The following CLEC18A variants were observed in gnomAD, a reference collection of about 807,000 sequenced individuals.
CLEC18A encodes the protein mannose receptor-like 1.
In CLEC18A, 5 loss-of-function variants were observed where a neutral mutation model predicts 24.0. The ratio of observed to expected loss-of-function variants is 0.21; its 90% CI spans 0.11 to 0.44. CLEC18A has a LOEUF of 0.44. Ranked by LOEUF, CLEC18A falls within the 20% of genes least tolerant of loss-of-function variation. CLEC18A has a pLI of 0.99. For missense variants in CLEC18A, 83 were observed against 233.4 expected (o/e 0.36, Z 4.20); for synonymous variants, 29 against 100.1 (o/e 0.29, Z 4.24).
At chr16:69,954,620 A>G (rs1567459687) in intron 3 of CLEC18A, 47 bp downstream of exon 3, 1 of 1,604,106 alleles carries the variant, frequency 6.2e-7, no homozygotes, top group Non-Finnish European at 8.5e-7. Flanking sequence ...CCAGATACAG[A>G]CTTCCACTGG....
At position 69,954,399 on chromosome 16, in the gene CLEC18A, G is replaced by C; in HGVS notation, c.282G>C (p.Pro94=). Residue 94 remains proline (P), a synonymous_variant, in exon 3 of 12, where the codon CCG becomes CCC. Transcript: ENST00000288040. ...CAGCCCTCTGTGGAACCCCAACCCC[G>C]AGCCTGGCGTCCGGCCTGTGGCGCA... is the stretch of plus-strand genomic sequence containing the variant. The part of the protein sequence containing the change: ...ARAALCGTPT[P]SLASGLWRTL... 6.2e-7 allele frequency: 1 copy of C among 1,610,104 alleles called. No individual in the cohort carries two copies. Among genetic ancestry groups the C allele is most frequent in the Non-Finnish European group, 8.5e-7 (1 of 1,178,646 alleles).
In CLEC18A at chr16:69,955,282, C is replaced by T. The variant is rs563649198; in HGVS notation, c.456+709C>T. 7.0e-4 allele frequency among the ~76,000 whole-genome samples: 106 copies of T among 151,840 alleles called. 1 individual carries two copies. The highest frequency in any genetic ancestry group is 4.9e-4 in the Non-Finnish European group (33 of 67,956). ...CCTCCCAAAGTGCTGGGATTACAGG[C>T]GTGAGCCACCATGCCTGGCCTAAGC... is the stretch of plus-strand genomic sequence containing the variant. On this transcript the variant is annotated intron_variant, in intron 3 of 11. Transcript: ENST00000288040.
At chr16:69,965,565 G>T (rs1396312924), downstream of CLEC18A, among the ~76,000 whole-genome samples, 1 of 150,140 alleles carries the variant, frequency 6.7e-6, no homozygotes, top group Admixed American at 6.6e-5. Flanking sequence ...GCCTGGTTGG[G>T]GACCTGACGC....
upstream of CLEC18A, among the ~76,000 whole-genome samples, chr16:69,946,458 C>T (rs1291556246): frequency 3.0e-5 from 4 of 131,254 alleles, no homozygotes; most frequent in East Asian, 4.8e-4. Context: ...AGTGCAGTGG[C>T]GCAATCTCGG....
chr16:69,956,119 C>A (rs1277980662), intron 3 of CLEC18A, among the ~76,000 whole-genome samples: 4 of 150,120 alleles, frequency 2.7e-5, no homozygotes. Context: ...TGATGGTGTG[C>A]GCCTGTAGTT....
intron 2 of CLEC18A, chr16:69,953,248 G>A (rs1224698109): frequency 2.6e-5 from 4 of 152,076 alleles, no homozygotes; most frequent in African/African-American, 9.7e-5. Flanking sequence ...AAGGTCTTGT[G>A]GGGGTGGAGG....
At chr16:69,965,390 C>T (rs1233171099), downstream of CLEC18A, among the ~76,000 whole-genome samples, 1 of 152,010 alleles carries the variant, frequency 6.6e-6, no homozygotes, top group African/African-American at 2.4e-5. Context: ...CTCCCGGACC[C>T]GGGACCCGCC....
At chr16:69,965,208 G>T (rs1250668187), downstream of CLEC18A, among the ~76,000 whole-genome samples, 2 of 151,882 alleles carry the variant, frequency 1.3e-5, no homozygotes, top group African/African-American at 4.9e-5. Flanking sequence ...TGATCACACA[G>T]ATGCCCCCAG....
At chr16:69,965,192 G>C (rs1209907723), downstream of CLEC18A, among the ~76,000 whole-genome samples, 2 of 151,840 alleles carry the variant, frequency 1.3e-5, no homozygotes, top group South Asian at 4.2e-4. Context: ...GCGGACCTAC[G>C]CGGGGTGATC....
the CLEC18A span, among the ~76,000 whole-genome samples, chr16:69,944,952 A>G: frequency 7.2e-6 from 1 of 139,558 alleles, no homozygotes; most frequent in Non-Finnish European, 1.5e-5. Context: ...ACCAGCCTAG[A>G]CAACATGGCA....
At chr16:69,952,989 CA>C (rs1334813257) in intron 2 of CLEC18A, 2 of 148,262 alleles carry the variant, frequency 1.3e-5, no homozygotes, top group African/African-American at 5.1e-5. Flanking sequence ...CCTGGGCAAC[CA>C]GGGGTGCTCC....
chr16:69,950,164 C>T (rs1418992946), upstream of CLEC18A, among the ~76,000 whole-genome samples: 1 of 124,208 alleles, frequency 8.1e-6, no homozygotes, highest in Non-Finnish European at 1.9e-5. Flanking sequence ...TCCCTGGCAT[C>T]CATGACGATA....
At chr16:69,955,796 C>T (rs1478808753) in intron 3 of CLEC18A, among the ~76,000 whole-genome samples, 2 of 148,340 alleles carry the variant, frequency 1.3e-5, no homozygotes, top group Non-Finnish European at 3.0e-5. Flanking sequence ...ATATCACTGC[C>T]AAGCAAGTTT....
rs776541018 is a variant in CLEC18A, at chr16:69,954,351, G to A, written c.234G>A (p.Leu78=). The change falls in exon 3 of 12, where the codon CTG becomes CTA. Residue 78 remains leucine, a synonymous_variant. Transcript: ENST00000288040. ...GCCCCCAGGACTGGAGTGACAGCCTGGCCCAGCTGGCTCAAGCCAGGGCAG... is the reference window on the plus strand; with the variant it reads ...GCCCCCAGGACTGGAGTGACAGCCTAGCCCAGCTGGCTCAAGCCAGGGCAG... ...DMRRLDWSDS[L]AQLAQARAAL... is the part of the protein sequence containing the mutation. The A allele has an allele frequency of 3.1e-6, 5 of 1,588,954 alleles. No individual in the cohort carries two copies. Among genetic ancestry groups the A allele is most frequent in the Middle Eastern group, 2.1e-4 (1 of 4,690 alleles).
At chr16:69,944,013 G>A in the CLEC18A span, among the ~76,000 whole-genome samples, 15 of 133,908 alleles carry the variant, frequency 1.1e-4, no homozygotes, top group African/African-American at 3.4e-4. Flanking sequence ...TAAGTCATCC[G>A]GGCCGGGTGT....
chr16:69,953,817 A>C, intron 2 of CLEC18A: 1 of 175,824 alleles, frequency 5.7e-6, no homozygotes, highest in Admixed American at 5.6e-5. Flanking sequence ...TGTCTCAAAA[A>C]AAAAAAAAAA....
chr16:69,948,558 G>A (rs968755384), upstream of CLEC18A, among the ~76,000 whole-genome samples: 1 of 151,932 alleles, frequency 6.6e-6, no homozygotes, highest in African/African-American at 2.4e-5. Flanking sequence ...AGAGACACAG[G>A]TGATAAAGAA....
intron 3 of CLEC18A, among the ~76,000 whole-genome samples, chr16:69,955,842 G>A (rs1400645508): frequency 1.3e-5 from 2 of 151,724 alleles, no homozygotes; most frequent in Non-Finnish European, 1.5e-5. Flanking sequence ...TATTTGTTGA[G>A]GGTCTTCTAC....
downstream of CLEC18A, among the ~76,000 whole-genome samples, chr16:69,964,861 G>A (rs1198106412): frequency 1.3e-5 from 2 of 151,994 alleles, no homozygotes; most frequent in Non-Finnish European, 2.9e-5. Flanking sequence ...GAGTGCAGGG[G>A]TGCAATCGGG....
Sources: allele counts gnomAD v4.1 joint callset (sites outside exome capture counted in the v4.1 genomes callset), GRCh38; gene constraint gnomAD v4.1.1; transcripts MANE v1.5; gene names NCBI Gene and HGNC (gene_info 2026-07-23, HGNC 2026-07-21).